The following SDK2 variants were observed in gnomAD, a reference collection of about 807,000 sequenced individuals.
SDK2 encodes the protein sidekick cell adhesion molecule 2, also known as protein sidekick-2.
SDK2 carries 105 observed loss-of-function variants against 253.9 expected under a neutral mutation model. The ratio of observed to expected loss-of-function variants is 0.41; its 90% CI spans 0.35 to 0.49. The LOEUF (loss-of-function observed/expected upper bound fraction) is 0.49. Among genes scored for constraint, SDK2 ranks in the 20% least tolerant of loss-of-function variants. The pLI, the probability that SDK2 is intolerant of heterozygous loss-of-function variation, is 0.06. For synonymous variants in SDK2, 1,249 were observed against 1,234.9 expected (o/e 1.01, Z -0.24); for missense variants, 2,608 against 3,003.0 (o/e 0.87, Z 3.07).
intron 1 of SDK2, among the ~76,000 whole-genome samples, chr17:73,597,746 C>T (rs1017722217): frequency 9.2e-5 from 14 of 151,668 alleles, no homozygotes; most frequent in Admixed American, 2.0e-4. Flanking sequence ...CCCGGGTTCA[C>T]GCCATTCTCC....
At chr17:73,449,602 CTTTTTTT>C (rs33923010) in intron 4 of SDK2, among the ~76,000 whole-genome samples, 10 of 94,338 alleles carry the variant, frequency 1.1e-4, no homozygotes, top group Admixed American at 2.4e-4. Flanking sequence ...CCCCCCACCT[CTTTTTTT>C]TTTTTTTTTT....
rs61085516 is a variant in SDK2 at position 73,389,183 on chromosome 17, CTTTTTTT to C, written c.4192+1097_4192+1103del. On this transcript the variant is annotated intron_variant, in intron 29 of 44. Transcript: ENST00000392650. ...CACCACACCTGGCTGATATTCCTTT[CTTTTTTT>C]TTTTTTTTTTTTTGAGACGGTCTTG... is the stretch of plus-strand genomic sequence containing the variant. Among the ~76,000 whole-genome samples the C allele has an allele frequency of 1.3e-3, 128 of 99,020 alleles. 4 individuals are homozygous for C. The East Asian group carries it at 0.037, about 29-fold the overall frequency. The allele number at this position is 99,020 out of a possible 152,430, so 65.0% of individuals were successfully genotyped here.
intron 1 of SDK2, among the ~76,000 whole-genome samples, chr17:73,566,051 G>C (rs944861034): frequency 6.6e-6 from 1 of 152,184 alleles, no homozygotes; most frequent in South Asian, 2.1e-4. Flanking sequence ...TCAATCTCCT[G>C]ACCTCATGAT....
chr17:73,387,566 C>T (rs970847666), intron 30 of SDK2, among the ~76,000 whole-genome samples: 3 of 152,184 alleles, frequency 2.0e-5, no homozygotes, highest in African/African-American at 7.2e-5. Context: ...ATGACAGGCA[C>T]TTCACTAAAG....
Position 73,350,739 on chromosome 17 carries a change from G to A in SDK2, c.5810C>T (p.Ala1937Val), listed in dbSNP as rs774979076. 3 of 1,613,412 alleles carry A rather than the reference G, an allele frequency of 1.9e-6. No homozygotes were observed. Among genetic ancestry groups the A allele is most frequent in the South Asian group, 2.2e-5 (2 of 91,042 alleles). Residue 1937 changes from alanine (A) to valine (V), a missense_variant, in exon 42 of 45, where the codon GCC becomes GTC. By Grantham distance (64) the Ala-to-Val change is moderately conservative. Coordinates refer to ENST00000392650, the MANE Select transcript of SDK2 (RefSeq NM_001144952.2). ...YEEWWFLVVI[A>V]LVGLIFILLL... is the part of the protein sequence containing the mutation. Reference sequence around the variant, plus strand: ...CAGGATGAAGATGAGGCCGACCAGGGCAATGACCACCAAGAACCACCACTC... The same window carrying A: ...CAGGATGAAGATGAGGCCGACCAGGACAATGACCACCAAGAACCACCACTC...
At chr17:73,463,063 G>A (rs2063574541) in intron 3 of SDK2, among the ~76,000 whole-genome samples, 1 of 152,204 alleles carries the variant, frequency 6.6e-6, no homozygotes, top group Non-Finnish European at 1.5e-5. Context: ...AGGGAGGGTG[G>A]AGACAATGAC....
At chr17:73,626,459 AT>A (rs1265077918) in intron 1 of SDK2, among the ~76,000 whole-genome samples, 1 of 152,152 alleles carries the variant, frequency 6.6e-6, no homozygotes, top group Non-Finnish European at 1.5e-5. Context: ...CTTCACTTTG[AT>A]TTTGGGTTGG....
intron 2 of SDK2, among the ~76,000 whole-genome samples, chr17:73,484,982 G>A (rs766042682): frequency 2.6e-5 from 4 of 152,158 alleles, no homozygotes; most frequent in South Asian, 2.1e-4. Context: ...GGACCCCATC[G>A]TATTGGCTTT....
At chr17:73,540,470 G>A (rs1010969672) in intron 1 of SDK2, among the ~76,000 whole-genome samples, 3 of 152,164 alleles carry the variant, frequency 2.0e-5, no homozygotes, top group African/African-American at 4.8e-5. Flanking sequence ...AGCTTCAGCA[G>A]GGTCTCTCAT....
At position 73,472,981 on chromosome 17, in the gene SDK2, A is replaced by G. The variant is rs570857229; in HGVS notation, c.225-763T>C. On this transcript the variant is annotated intron_variant, in intron 2 of 44. Coordinates refer to ENST00000392650, the MANE Select transcript of SDK2 (RefSeq NM_001144952.2). ...CCCAGCCACATGGAACTGTGAGTCC[A>G]TTAAACCTCTTTCTTTCGTAAATTG... 6.6e-5 allele frequency among the ~76,000 whole-genome samples: 10 copies of G among 152,340 alleles called. No homozygotes were observed. In the East Asian group the frequency reaches 1.9e-3, roughly 29 times the overall value.
At position 73,383,225 on chromosome 17, in the gene SDK2, A is replaced by G. The variant is rs148576899; in HGVS notation, c.4705+651T>C. On this transcript the variant is annotated intron_variant, in intron 33 of 44. Transcript: ENST00000392650. This position sits in a 1 kb window ranked among gnomAD's most constrained non-coding sequence, Gnocchi z 4.3. ...ATCCTCCCACCATGGCCAAGCCATC[A>G]TCCTCATGCCACCAAAGTGGCTCCT... Among the ~76,000 whole-genome samples the G allele has an allele frequency of 4.0e-3, 613 of 152,268 alleles. 5 individuals carry two copies. The highest frequency in any genetic ancestry group is 0.014 in the African/African-American group (581 of 41,536).
At chr17:73,613,330 A>T (rs1210272899) in intron 1 of SDK2, among the ~76,000 whole-genome samples, 1 of 151,498 alleles carries the variant, frequency 6.6e-6, no homozygotes, top group African/African-American at 2.4e-5. Flanking sequence ...CAGCCGGCTC[A>T]CCTCGCTCCC....
At chr17:73,374,855 C>T (rs1276247688) in intron 36 of SDK2, among the ~76,000 whole-genome samples, 1 of 152,146 alleles carries the variant, frequency 6.6e-6, no homozygotes, top group African/African-American at 2.4e-5. Context: ...ATCTGAGCCC[C>T]CTTCATGGCC....
intron 1 of SDK2, among the ~76,000 whole-genome samples, chr17:73,594,582 T>C (rs1009964133): frequency 5.4e-5 from 8 of 148,734 alleles, no homozygotes; most frequent in African/African-American, 2.0e-4. Flanking sequence ...GCCTGCCTCA[T>C]GATGGGACAA....
At position 73,424,069 on chromosome 17, in the gene SDK2, G is replaced by T. The variant is rs753841974; in HGVS notation, c.1607C>A (p.Ala536Asp). 1.2e-6 allele frequency: 2 copies of T among 1,612,548 alleles called. No homozygotes were observed. The highest frequency in any genetic ancestry group is 2.2e-5 in the East Asian group (1 of 44,866). The part of the protein sequence containing the change: ...TIRYIWEKDG[A>D]TLGTESHPRI... ...AGGATGGCTCTCCGTGCCCAGGGTG[G>T]CCCCGTCCTTCTCCCAGATGTACCT... The change falls in exon 13 of 45, where the codon GCC (alanine) becomes GAC (aspartate). Residue 536 changes from alanine (A) to aspartate (D), a missense_variant. Around this residue, in one of 2 missense-constraint regions of SDK2, gnomAD observed 1,505 missense variants for 1,859.1 expected, o/e 0.81. Coordinates refer to ENST00000392650, the MANE Select transcript of SDK2 (RefSeq NM_001144952.2).
intron 37 of SDK2, among the ~76,000 whole-genome samples, chr17:73,367,739 G>C (rs2062698054): frequency 6.6e-6 from 1 of 151,902 alleles, no homozygotes; most frequent in Non-Finnish European, 1.5e-5. Flanking sequence ...CCTGACCTCA[G>C]GTGATCCACC....
intron 30 of SDK2, among the ~76,000 whole-genome samples, chr17:73,386,892 C>T (rs1403748900): frequency 6.6e-6 from 1 of 152,180 alleles, no homozygotes; most frequent in Non-Finnish European, 1.5e-5. Context: ...AATACCTCCA[C>T]TCGGAACAAA....
intron 1 of SDK2, among the ~76,000 whole-genome samples, chr17:73,628,922 A>T (rs1447158097): frequency 2.0e-5 from 3 of 151,424 alleles, no homozygotes; most frequent in Non-Finnish European, 4.4e-5. Context: ...CCATGCCCAG[A>T]CCCCCCTGGA....
intron 3 of SDK2, among the ~76,000 whole-genome samples, chr17:73,457,197 T>A (rs1359717150): frequency 6.6e-6 from 1 of 151,340 alleles, no homozygotes; most frequent in African/African-American, 2.4e-5. Flanking sequence ...ATGGGAGACA[T>A]CTCACATCAT....
Sources: gnomAD v4.1 joint callset for allele counts (sites outside exome capture counted in the v4.1 genomes callset) on GRCh38, gnomAD v4.1.1 for gene constraint, gnomAD v4.1.1 regional missense constraint, Gnocchi (gnomAD v3.1) non-coding constraint, MANE v1.5 for transcripts, NCBI Gene and HGNC (gene_info 2026-07-23, HGNC 2026-07-21) for gene names.